Variants in LGSN observed in about 807,000 individuals in gnomAD.
LGSN encodes lengsin.
In LGSN, 21 loss-of-function variants were observed where a neutral mutation model predicts 19.5. The ratio of observed to expected loss-of-function variants is 1.07; its 90% CI spans 0.76 to 1.55. The LOEUF is 1.55. Among genes scored for constraint, LGSN ranks in the 40% most tolerant of loss-of-function variants. The pLI is 0.00. For missense variants in LGSN, 673 were observed against 608.5 expected (o/e 1.11, Z -1.12); for synonymous variants, 257 against 215.6 (o/e 1.19, Z -1.68).
At chr6:63,473,770 T>A in the LGSN span, among the ~76,000 whole-genome samples, 10 of 147,850 alleles carry the variant, frequency 6.8e-5, no homozygotes, top group East Asian at 5.9e-4. Flanking sequence ...CACATTGGAT[T>A]TGTCTCACAC....
the LGSN span, among the ~76,000 whole-genome samples, chr6:63,392,925 C>T: frequency 2.4e-5 from 3 of 126,500 alleles, no homozygotes; most frequent in Non-Finnish European, 4.7e-5. Flanking sequence ...CTTGCTCTGT[C>T]GCCCAGGCTG....
At chr6:63,366,609 C>T in the LGSN span, among the ~76,000 whole-genome samples, 1 of 151,938 alleles carries the variant, frequency 6.6e-6, no homozygotes, top group African/African-American at 2.4e-5. Context: ...CATATGGAAC[C>T]AAAAAAGAGC....
chr6:63,341,925 C>T, the LGSN span, among the ~76,000 whole-genome samples: 1 of 152,154 alleles, frequency 6.6e-6, no homozygotes, highest in Non-Finnish European at 1.5e-5. Flanking sequence ...CTCTGTTCAA[C>T]CACTTAGAGC....
chr6:63,398,124 A>G, the LGSN span, among the ~76,000 whole-genome samples: 4 of 151,476 alleles, frequency 2.6e-5, no homozygotes, highest in Non-Finnish European at 5.9e-5. Context: ...TACAGTAAAT[A>G]AAACTTGATG....
the LGSN span, among the ~76,000 whole-genome samples, chr6:63,506,275 T>C: frequency 4.0e-5 from 6 of 149,992 alleles, no homozygotes; most frequent in East Asian, 1.2e-3. Context: ...TTGTTGTTGT[T>C]GTTGTTTGAG....
the LGSN span, among the ~76,000 whole-genome samples, chr6:63,498,843 A>G: frequency 1.3e-5 from 2 of 152,106 alleles, no homozygotes; most frequent in Non-Finnish European, 2.9e-5. Context: ...TAACGCAGGG[A>G]AGACTATAGG....
the LGSN span, among the ~76,000 whole-genome samples, chr6:63,530,275 T>C: frequency 6.6e-6 from 1 of 152,130 alleles, no homozygotes; most frequent in East Asian, 1.9e-4. Context: ...AAGGCATAGA[T>C]GTAACCTTGT....
the LGSN span, among the ~76,000 whole-genome samples, chr6:63,462,784 A>C: frequency 9.6e-6 from 1 of 103,756 alleles, no homozygotes; most frequent in African/African-American, 3.4e-5. Flanking sequence ...ATTTATCTCA[A>C]TCTTGCTTCG....
At chr6:63,385,639 T>C in the LGSN span, among the ~76,000 whole-genome samples, 3 of 152,164 alleles carry the variant, frequency 2.0e-5, no homozygotes, top group Non-Finnish European at 2.9e-5. Flanking sequence ...CGTCACAGAG[T>C]TTTTAACTTA....
At chr6:63,572,629 G>A in the LGSN span, 7 of 420,514 alleles carry the variant, frequency 1.7e-5, no homozygotes, top group Non-Finnish European at 4.1e-6. Flanking sequence ...GCCGCCTCCT[G>A]CCCTGCAGCC....
chr6:63,291,899 G>T (rs1459372376), intron 2 of LGSN, among the ~76,000 whole-genome samples: 1 of 152,166 alleles, frequency 6.6e-6, no homozygotes, highest in Non-Finnish European at 1.5e-5. Flanking sequence ...TATTATCTTG[G>T]ATTATCCATC....
chr6:63,490,971 T>A, the LGSN span, among the ~76,000 whole-genome samples: 1 of 152,156 alleles, frequency 6.6e-6, no homozygotes, highest in Non-Finnish European at 1.5e-5. Context: ...CTCAACCTTT[T>A]TTTTTTTGAT....
At chr6:63,287,076 A>T (rs1235166379) in intron 2 of LGSN, among the ~76,000 whole-genome samples, 1 of 152,250 alleles carries the variant, frequency 6.6e-6, no homozygotes, top group Non-Finnish European at 1.5e-5. Flanking sequence ...AGATATAATT[A>T]GGCTTTAAAA....
At chr6:63,434,961 CT>C in the LGSN span, among the ~76,000 whole-genome samples, 1 of 152,190 alleles carries the variant, frequency 6.6e-6, no homozygotes, top group South Asian at 2.1e-4. Context: ...AGAAACTTTT[CT>C]CCTTAAAAAA....
the LGSN span, among the ~76,000 whole-genome samples, chr6:63,408,012 G>T: frequency 6.6e-6 from 1 of 152,106 alleles, no homozygotes; most frequent in Non-Finnish European, 1.5e-5. Flanking sequence ...ACAAACCACT[G>T]CTCAAGGAAA....
chr6:63,469,888 G>T, the LGSN span, among the ~76,000 whole-genome samples: 2 of 152,136 alleles, frequency 1.3e-5, no homozygotes, highest in South Asian at 4.1e-4. Flanking sequence ...GGCTAATTTT[G>T]TATTTTTAGT....
chr6:63,367,361 C>A, the LGSN span, among the ~76,000 whole-genome samples: 3 of 152,284 alleles, frequency 2.0e-5, no homozygotes, highest in South Asian at 4.1e-4. Flanking sequence ...TACTGATCAT[C>A]AGAGAAATGC....
At chr6:63,568,276 A>G in the LGSN span, among the ~76,000 whole-genome samples, 3 of 152,214 alleles carry the variant, frequency 2.0e-5, no homozygotes, top group African/African-American at 7.2e-5. Flanking sequence ...GCTTTGATTT[A>G]AAGTGAGAGA....
At chr6:63,510,385 A>G in the LGSN span, among the ~76,000 whole-genome samples, 1 of 152,012 alleles carries the variant, frequency 6.6e-6, no homozygotes, top group Non-Finnish European at 1.5e-5. Context: ...GAAAAAAAAC[A>G]TAAAAGTTAA....
Sources: gnomAD v4.1 joint callset for allele counts (sites outside exome capture counted in the v4.1 genomes callset) on GRCh38, gnomAD v4.1.1 for gene constraint, MANE v1.5 for transcripts, NCBI Gene and HGNC (gene_info 2026-07-23, HGNC 2026-07-21) for gene names.